The following ATP9A variants were observed in gnomAD, a reference collection of about 807,000 sequenced individuals.
ATP9A encodes the protein probable phospholipid-transporting ATPase IIA.
ATP9A carries 52 observed loss-of-function variants against 144.1 expected under a neutral mutation model. The ratio of observed to expected loss-of-function variants is 0.36; its 90% CI spans 0.29 to 0.45. The LOEUF is 0.45. Ranked by LOEUF, ATP9A falls within the 20% of genes least tolerant of loss-of-function variation. ATP9A has a pLI of 1.00. For missense variants in ATP9A, 947 were observed against 1,392.7 expected (o/e 0.68, Z 5.09); for synonymous variants, 582 against 557.4 (o/e 1.04, Z -0.62).
At chr20:51,647,475 CG>C (rs1468585884) in intron 14 of ATP9A, among the ~76,000 whole-genome samples, 1 of 152,104 alleles carries the variant, frequency 6.6e-6, no homozygotes, top group African/African-American at 2.4e-5. Context: ...CCCTTAAACC[CG>C]GGAGGCGGAG....
chr20:51,653,402 C>T (rs915724386), intron 14 of ATP9A, among the ~76,000 whole-genome samples: 2 of 152,056 alleles, frequency 1.3e-5, no homozygotes, highest in Admixed American at 6.6e-5. Context: ...GAGTGGGCAA[C>T]GGGCATTAAA....
intron 1 of ATP9A, among the ~76,000 whole-genome samples, chr20:51,738,935 A>C (rs34223230): frequency 0.087 from 13,213 of 151,868 alleles, 692 homozygotes; most frequent in African/African-American, 0.15. Flanking sequence ...TACAAAAATT[A>C]ACCAGGCGTG....
At chr20:51,692,695 A>G (rs1037216089) in intron 7 of ATP9A, among the ~76,000 whole-genome samples, 1 of 152,082 alleles carries the variant, frequency 6.6e-6, no homozygotes, top group Non-Finnish European at 1.5e-5. Context: ...CCAGCTACTC[A>G]GGAGGCTGAG....
At chr20:51,630,541 A>G (rs2077266046) in intron 15 of ATP9A, among the ~76,000 whole-genome samples, 1 of 152,042 alleles carries the variant, frequency 6.6e-6, no homozygotes, top group African/African-American at 2.4e-5. Flanking sequence ...TGTCTCTACT[A>G]AAATTACAAA....
intron 1 of ATP9A, among the ~76,000 whole-genome samples, chr20:51,736,176 G>A (rs951403070): frequency 3.3e-5 from 5 of 152,290 alleles, no homozygotes; most frequent in Middle Eastern, 3.4e-3. Context: ...CCTGGCACTC[G>A]CAAAGCATGC....
chr20:51,669,548 G>A (rs1430370446), intron 13 of ATP9A, among the ~76,000 whole-genome samples: 2 of 152,148 alleles, frequency 1.3e-5, no homozygotes, highest in African/African-American at 4.8e-5. Context: ...TCATAGCCAG[G>A]GAAAGGGAAA....
chr20:51,696,095 T>G lies in ATP9A; in HGVS notation c.545A>C (p.Asn182Thr). The G allele has an allele frequency of 6.2e-7, 1 of 1,612,884 alleles. No homozygotes were observed. Among genetic ancestry groups the G allele is most frequent in the Non-Finnish European group, 8.5e-7 (1 of 1,178,942 alleles). The part of the protein sequence containing the change: ...DMIFLRTSEK[N>T]GSCFLRTDQL... ...CCAAATTGATCTCAGATGTTTACCG[T>G]TTTTTTCTGATGTCCTCAGGAAGAT... Residue 182 changes from asparagine to threonine, a missense_variant and splice_region_variant, in exon 6 of 28, where the codon AAC (asparagine) becomes ACC (threonine). This residue lies in a region of ATP9A where 770 missense variants were observed against 1,047.9 expected (regional missense o/e 0.73). Transcript: ENST00000338821.
chr20:51,698,004 G>A (rs1328641169), intron 4 of ATP9A, among the ~76,000 whole-genome samples: 3 of 152,180 alleles, frequency 2.0e-5, no homozygotes, highest in Non-Finnish European at 4.4e-5. Flanking sequence ...AACATTAAAT[G>A]CTAATTCTGT....
intron 1 of ATP9A, among the ~76,000 whole-genome samples, chr20:51,741,990 T>C (rs2077787173): frequency 6.6e-6 from 1 of 152,176 alleles, no homozygotes; most frequent in South Asian, 2.1e-4. Flanking sequence ...TATAAACTAT[T>C]TGTTTAAAAT....
intron 13 of ATP9A, among the ~76,000 whole-genome samples, chr20:51,668,756 T>G (rs2077444218): frequency 6.6e-6 from 1 of 152,218 alleles, no homozygotes; most frequent in African/African-American, 2.4e-5. Flanking sequence ...AAGGGCTTTG[T>G]TGCTGGTTGT....
At chr20:51,704,833 A>G (rs1280970765) in intron 4 of ATP9A, among the ~76,000 whole-genome samples, 1 of 152,216 alleles carries the variant, frequency 6.6e-6, no homozygotes, top group Non-Finnish European at 1.5e-5. Flanking sequence ...ACCAGGCAGT[A>G]TGAAAAAGTA....
chr20:51,673,579 G>A (rs1490801695), intron 11 of ATP9A, among the ~76,000 whole-genome samples: 1 of 152,066 alleles, frequency 6.6e-6, no homozygotes, highest in African/African-American at 2.4e-5. Context: ...TTGCAGAGCT[G>A]GCTGATGACA....
Position 51,657,125 on chromosome 20 carries a change from T to TTCTG in ATP9A, c.1315_1318dup (p.Lys440ThrfsTer9). 1 of 1,614,054 alleles carries TTCTG rather than the reference T, an allele frequency of 6.2e-7. No homozygotes were observed. The highest frequency in any genetic ancestry group is 8.5e-7 in the Non-Finnish European group (1 of 1,179,978). ...GACCTTAGTGGTGAGCGTTGGGCCC[T>TTCTG]TCTGAGCCGGTGGGTCCTGGGATTG... On this transcript the variant is annotated frameshift_variant, in exon 14 of 28. Transcript: ENST00000338821. LOFTEE classifies it high-confidence loss of function.
chr20:51,715,366 G>A (rs1174602486), intron 3 of ATP9A, among the ~76,000 whole-genome samples: 1 of 152,224 alleles, frequency 6.6e-6, no homozygotes, highest in Non-Finnish European at 1.5e-5. Flanking sequence ...GGGAGTGAGA[G>A]AAAACCTGTT....
At chr20:51,700,395 A>G (rs979339240) in intron 4 of ATP9A, among the ~76,000 whole-genome samples, 1 of 152,124 alleles carries the variant, frequency 6.6e-6, no homozygotes, top group Non-Finnish European at 1.5e-5. Context: ...GGTGATGTGC[A>G]CCTACAGTCC....
intron 9 of ATP9A, among the ~76,000 whole-genome samples, chr20:51,683,410 G>A (rs12481123): frequency 0.17 from 25,572 of 151,432 alleles, 2,326 homozygotes; most frequent in South Asian, 0.23. Context: ...GATTACAGGC[G>A]CCCACCACCA....
At chr20:51,627,057 CAA>C (rs11481602) in intron 17 of ATP9A, among the ~76,000 whole-genome samples, 12 of 111,028 alleles carry the variant, frequency 1.1e-4, no homozygotes, top group African/African-American at 7.5e-5. Context: ...AACTCTGTCT[CAA>C]AAAAAAAAAA....
chr20:51,599,564 G>C lies in ATP9A; in HGVS notation c.*1647C>G, dbSNP rs1383084480. ...CAGAATCATAAGACAAAATAGATGT[G>C]GTGTCAACAGCCAATTAACCAGTAC... On this transcript the variant is annotated 3_prime_UTR_variant, in exon 28 of 28. Coordinates refer to ENST00000338821, the MANE Select transcript of ATP9A (RefSeq NM_006045.3). 1 of 152,124 alleles carries C rather than the reference G, an allele frequency of 6.6e-6. No individual in the cohort carries two copies. Among genetic ancestry groups the C allele is most frequent in the Non-Finnish European group, 1.5e-5 (1 of 68,034 alleles). The allele number at this position is 152,124 out of a possible 1,614,324, so 9.4% of individuals were successfully genotyped here. A position where few individuals can be genotyped will look rare whatever the true frequency, so the allele number is the denominator to read the frequency against.
chr20:51,699,846 T>C (rs370206928), intron 4 of ATP9A, among the ~76,000 whole-genome samples: 1 of 152,018 alleles, frequency 6.6e-6, no homozygotes, highest in East Asian at 1.9e-4. Context: ...TTTCACCATA[T>C]TGGCCAGGCT....
Sources: allele counts gnomAD v4.1 joint callset (sites outside exome capture counted in the v4.1 genomes callset), GRCh38; gene constraint gnomAD v4.1.1; regional missense constraint gnomAD v4.1.1; transcripts MANE v1.5; gene names NCBI Gene and HGNC (gene_info 2026-07-23, HGNC 2026-07-21).